Variants in WDR37 observed in about 807,000 individuals in gnomAD.
WDR37 encodes WD repeat-containing protein 37.
Under a neutral mutation model 62.9 loss-of-function variants are expected in WDR37, and 19 were observed. The observed-to-expected ratio is 0.30, with a 90% CI of 0.21 to 0.44. The LOEUF is 0.44. Ranked by LOEUF, WDR37 falls within the 20% of genes least tolerant of loss-of-function variation. The pLI, the probability that WDR37 is intolerant of heterozygous loss-of-function variation, is 1.00. For synonymous variants in WDR37, 250 were observed against 260.9 expected (o/e 0.96, Z 0.40); for missense variants, 474 against 657.6 (o/e 0.72, Z 3.05).
rs985254037 is a variant in WDR37, at chr10:1,056,501, G to C, written c.-508G>C. The stretch of plus-strand genomic sequence containing the variant: ...CAGGCCTCAGGCGGACCGCGCCCCG[G>C]GCTCGCAGCCCTCCCGCCCCGGCTG... On this transcript the variant is annotated 5_prime_UTR_variant, in exon 1 of 14. Transcript: ENST00000263150. The C allele has an allele frequency of 6.6e-6, 1 of 152,130 alleles. No individual in the cohort carries two copies. The highest frequency in any genetic ancestry group is 1.5e-5 in the Non-Finnish European group (1 of 68,040). 9.4% of individuals were successfully genotyped at this position (152,130 alleles called of 1,614,324 possible). A position where few individuals can be genotyped will look rare whatever the true frequency, so the allele number is the denominator to read the frequency against.
At chr10:1,067,439 A>G (rs561717762) in intron 1 of WDR37, among the ~76,000 whole-genome samples, 3 of 152,358 alleles carry the variant, frequency 2.0e-5, no homozygotes, top group South Asian at 2.1e-4. Context: ...AATTATCAAC[A>G]TTAAAGAAGT....
Position 1,105,045 on chromosome 10 carries a change from T to C in WDR37, c.962-81T>C. 6.5e-7 allele frequency: 1 copy of C among 1,545,150 alleles called. No homozygotes were observed. Among genetic ancestry groups the C allele is most frequent in the Non-Finnish European group, 8.8e-7 (1 of 1,133,606 alleles). On this transcript the variant is annotated intron_variant, in intron 10 of 13. Coordinates refer to ENST00000263150, the MANE Select transcript of WDR37 (RefSeq NM_014023.4). The surrounding 1 kb of genome is among the most constrained non-coding windows in gnomAD (Gnocchi z 5.3). ...TCACAGTCTCAGAGAGACGGCTTCT[T>C]GGGTTCTTGTGCTGTTGAAAAGCGT... is the stretch of plus-strand genomic sequence containing the variant.
intron 1 of WDR37, among the ~76,000 whole-genome samples, chr10:1,064,476 A>G (rs148812424): frequency 1.0e-3 from 156 of 152,236 alleles, no homozygotes; most frequent in African/African-American, 3.4e-3. Context: ...GATAAACACA[A>G]AGATGCTAAG....
In WDR37 at chr10:1,109,824, G is replaced by A. The variant is rs1167803695; in HGVS notation, c.1103+4557G>A. Among the ~76,000 whole-genome samples, 6 of 152,310 alleles carry A rather than the reference G, an allele frequency of 3.9e-5. No homozygotes were observed. The East Asian group carries it at 5.8e-4, about 15-fold the overall frequency. On this transcript the variant is annotated intron_variant, in intron 11 of 13. Coordinates refer to ENST00000263150, the MANE Select transcript of WDR37 (RefSeq NM_014023.4). ...TGTACTTATGAAGAATGTAGTAAGT[G>A]TTATGAAAAAGTTCTTACTAATGTG...
rs193159180 is a variant in WDR37 at position 1,105,930 on chromosome 10, C to T, written c.1103+663C>T. On this transcript the variant is annotated intron_variant, in intron 11 of 13. Coordinates refer to ENST00000263150, the MANE Select transcript of WDR37 (RefSeq NM_014023.4). This position sits in a 1 kb window ranked among gnomAD's most constrained non-coding sequence, Gnocchi z 5.3. ...CCTCCCGAGTAGCTGGGACTAGAGG[C>T]ACCTGCCACCACGCCTGGCTAGTTT... is the stretch of plus-strand genomic sequence containing the variant. 3.3e-3 allele frequency among the ~76,000 whole-genome samples: 508 copies of T among 152,200 alleles called. 3 individuals are homozygous for T. The highest frequency in any genetic ancestry group is 0.011 in the African/African-American group (459 of 41,524).
rs958731992 is a variant in WDR37 at position 1,132,085 on chromosome 10, G to C, written c.*2741G>C. ...CCATGGAATCAGTTTTTATTGTATCGATATAATTGTCTCTAAGTGTTGACT... is the reference window on the plus strand; with the variant it reads ...CCATGGAATCAGTTTTTATTGTATCCATATAATTGTCTCTAAGTGTTGACT... On this transcript the variant is annotated 3_prime_UTR_variant, in exon 14 of 14. Coordinates refer to ENST00000263150, the MANE Select transcript of WDR37 (RefSeq NM_014023.4). The C allele has an allele frequency of 6.6e-6, 1 of 152,558 alleles. No individual in the cohort carries two copies. Among genetic ancestry groups the C allele is most frequent in the East Asian group, 1.9e-4 (1 of 5,200 alleles). The allele number at this position is 152,558 out of a possible 1,614,324, so 9.5% of individuals were successfully genotyped here.
At chr10:1,107,677 C>T (rs1272810306) in intron 11 of WDR37, among the ~76,000 whole-genome samples, 1 of 152,066 alleles carries the variant, frequency 6.6e-6, no homozygotes, top group Non-Finnish European at 1.5e-5. Flanking sequence ...GCCCACTAAC[C>T]CTTCACCTAG....
At chr10:1,101,010 CT>C (rs1392836445) in intron 9 of WDR37, among the ~76,000 whole-genome samples, 1 of 152,200 alleles carries the variant, frequency 6.6e-6, no homozygotes, top group African/African-American at 2.4e-5. Flanking sequence ...TCACCCAGTG[CT>C]TTAGACCAAA....
intron 12 of WDR37, 96 bp downstream of exon 12, chr10:1,124,448 A>C: frequency 6.5e-7 from 1 of 1,530,164 alleles, no homozygotes; most frequent in South Asian, 1.2e-5. Flanking sequence ...AATTGATAGA[A>C]CCCCGGGAAC....
chr10:1,099,480 G>A (rs1834716904), intron 9 of WDR37, among the ~76,000 whole-genome samples: 1 of 152,372 alleles, frequency 6.6e-6, no homozygotes, highest in Non-Finnish European at 1.5e-5. Flanking sequence ...TCTATGTGGA[G>A]ATAGTTAAGC....
At chr10:1,111,887 G>A (rs554788926) in intron 11 of WDR37, among the ~76,000 whole-genome samples, 7 of 151,878 alleles carry the variant, frequency 4.6e-5, no homozygotes, top group South Asian at 4.2e-4. Context: ...AGCTGTTGGT[G>A]GCTATTTCTC....
intron 9 of WDR37, among the ~76,000 whole-genome samples, chr10:1,097,415 G>T (rs1834625735): frequency 6.6e-6 from 1 of 152,242 alleles, no homozygotes; most frequent in Non-Finnish European, 1.5e-5. Flanking sequence ...GCATCAGACT[G>T]CTGGGATTCC....
At chr10:1,123,050 T>G (rs1351031361) in intron 11 of WDR37, among the ~76,000 whole-genome samples, 2 of 152,260 alleles carry the variant, frequency 1.3e-5, no homozygotes, top group Non-Finnish European at 2.9e-5. Context: ...GTTTTTATGG[T>G]ACTTTTCATC....
chr10:1,092,015 C>T (rs1269397856), intron 7 of WDR37, among the ~76,000 whole-genome samples: 1 of 150,500 alleles, frequency 6.6e-6, no homozygotes, highest in Admixed American at 6.6e-5. Context: ...CCCGTTTCTA[C>T]TAAAAATAGA....
At chr10:1,095,106 C>T (rs962434152) in intron 8 of WDR37, among the ~76,000 whole-genome samples, 16 of 124,044 alleles carry the variant, frequency 1.3e-4, no homozygotes, top group Non-Finnish European at 2.0e-4. Flanking sequence ...GACTTGGAAA[C>T]GTGAGGTAAT....
At chr10:1,077,856 C>A in intron 2 of WDR37, 51 bp from the exon 3 acceptor site, 1 of 1,369,948 alleles carries the variant, frequency 7.3e-7, no homozygotes, top group Non-Finnish European at 1.0e-6. Flanking sequence ...CATATTTGTA[C>A]TTAGAGTTTT....
At chr10:1,068,501 C>G (rs1833624865) in intron 1 of WDR37, among the ~76,000 whole-genome samples, 1 of 151,904 alleles carries the variant, frequency 6.6e-6, no homozygotes. Flanking sequence ...GGTGGACACC[C>G]TAAATAGCCT....
chr10:1,125,490 G>A (rs1367610950), intron 13 of WDR37, among the ~76,000 whole-genome samples: 1 of 152,226 alleles, frequency 6.6e-6, no homozygotes, highest in Admixed American at 6.5e-5. Flanking sequence ...GATTACAGGC[G>A]TGAGCCACCG....
intron 1 of WDR37, among the ~76,000 whole-genome samples, chr10:1,069,389 A>ATATATATTTTTTTTTTTTTTTTTTTT: frequency 1.0e-5 from 1 of 95,806 alleles, no homozygotes; most frequent in African/African-American, 4.7e-5. Context: ...ATATATATAT[A>ATATATATTTTTTTTTTTTTTTTTTTT]TTTTTTTTTT....
Sources: allele counts gnomAD v4.1 joint callset (sites outside exome capture counted in the v4.1 genomes callset), GRCh38; gene constraint gnomAD v4.1.1; non-coding constraint Gnocchi (gnomAD v3.1); transcripts MANE v1.5; gene names NCBI Gene and HGNC (gene_info 2026-07-23, HGNC 2026-07-21).